Variants in ST3GAL6 observed in about 807,000 individuals in gnomAD.
The protein encoded by ST3GAL6 is ST3 beta-galactoside alpha-2,3-sialyltransferase 6.
In ST3GAL6, 31 loss-of-function variants were observed where a neutral mutation model predicts 40.5. That is an observed-to-expected ratio of 0.77 (90% confidence interval 0.58 to 1.03). The LOEUF (loss-of-function observed/expected upper bound fraction) is 1.03, where lower values mean the gene tolerates loss of function less well. Ranked by LOEUF, ST3GAL6 falls within the 50% of genes least tolerant of loss-of-function variation. The pLI is 0.00. For synonymous variants in ST3GAL6, 129 were observed against 136.9 expected (o/e 0.94, Z 0.40); for missense variants, 357 against 393.2 (o/e 0.91, Z 0.78).
At chr3:98,766,189 A>G (rs1221219390) in intron 1 of ST3GAL6, among the ~76,000 whole-genome samples, 1 of 152,208 alleles carries the variant, frequency 6.6e-6, no homozygotes, top group African/African-American at 2.4e-5. Context: ...CAACAAAACA[A>G]TAACACAAGT....
upstream of ST3GAL6, among the ~76,000 whole-genome samples, chr3:98,759,788 G>A (rs1162351695): frequency 6.6e-6 from 1 of 152,128 alleles, no homozygotes; most frequent in Non-Finnish European, 1.5e-5. Flanking sequence ...CAATGATTCA[G>A]TTGGCACTTA....
intron 1 of ST3GAL6, among the ~76,000 whole-genome samples, chr3:98,737,863 T>A: frequency 6.6e-6 from 1 of 152,164 alleles, no homozygotes; most frequent in East Asian, 1.9e-4. Flanking sequence ...AAACAGACTT[T>A]AAACCAACAA....
Position 98,766,814 on chromosome 3 carries a change from A to G in ST3GAL6, c.-11-1616A>G, listed in dbSNP as rs538013625. On this transcript the variant is annotated intron_variant, in intron 1 of 9. Transcript: ENST00000483910. ...TTTGGCCCATGGTAAACTGCCTTCC[A>G]GGACCATCTAATAACCCAAAGAGGT... Among the ~76,000 whole-genome samples, 4 of 152,330 alleles carry G rather than the reference A, an allele frequency of 2.6e-5. No individual in the cohort carries two copies. The South Asian group carries it at 8.3e-4, about 32-fold the overall frequency.
intron 1 of ST3GAL6, among the ~76,000 whole-genome samples, chr3:98,754,247 A>G (rs911109921): frequency 2.0e-5 from 3 of 152,220 alleles, no homozygotes; most frequent in African/African-American, 7.2e-5. Flanking sequence ...TATCCACTTT[A>G]ACAGAAGTTT....
Position 98,741,083 on chromosome 3 carries a change from T to TGTGA in ST3GAL6, c.-12+8552_-12+8553insTGAG, listed in dbSNP as rs374127164. Among the ~76,000 whole-genome samples the TGTGA allele has an allele frequency of 3.7e-3, 549 of 150,366 alleles. 3 individuals are homozygous for TGTGA. The highest frequency in any genetic ancestry group is 0.017 in the East Asian group (86 of 5,106). On this transcript the variant is annotated intron_variant, in intron 1 of 9. Transcript: ENST00000265261. ...GTGTGTGTGTGTGTGTGTGTGTGTG[T>TGTGA]GCATGCATGTATGTACATATGCTTT...
At chr3:98,780,633 G>A (rs1024868071) in intron 5 of ST3GAL6, among the ~76,000 whole-genome samples, 17 of 152,204 alleles carry the variant, frequency 1.1e-4, no homozygotes, top group Admixed American at 1.3e-4. Flanking sequence ...CTGAGTATGA[G>A]GAATTGCCCT....
chr3:98,778,362 G>C (rs1176570712), intron 5 of ST3GAL6, among the ~76,000 whole-genome samples: 1 of 152,230 alleles, frequency 6.6e-6, no homozygotes, highest in Non-Finnish European at 1.5e-5. Context: ...TTAGACATTA[G>C]TGGTGTATTT....
rs550431755 is a variant in ST3GAL6 at position 98,787,440 on chromosome 3, C to T, written c.432-596C>T. 1.5e-4 allele frequency among the ~76,000 whole-genome samples: 23 copies of T among 152,272 alleles called. No homozygotes were observed. The East Asian group carries it at 3.7e-3, about 24-fold the overall frequency. On this transcript the variant is annotated intron_variant, in intron 6 of 9. Transcript: ENST00000483910. ...GTGTGCATAAATAGTGCATGTCCAA[C>T]CTTGGCTTTCAGCATACACAAACCC...
chr3:98,737,083 C>T (rs911826181), intron 1 of ST3GAL6, among the ~76,000 whole-genome samples: 1 of 152,102 alleles, frequency 6.6e-6, no homozygotes, highest in Admixed American at 6.6e-5. Flanking sequence ...GAGTCTTGCT[C>T]TGTCACCCAG....
intron 1 of ST3GAL6, among the ~76,000 whole-genome samples, chr3:98,753,406 A>C (rs72932625): frequency 6.6e-6 from 1 of 152,240 alleles, no homozygotes; most frequent in Non-Finnish European, 1.5e-5. Context: ...AGTGTTAAAG[A>C]AGAGGCTGCA....
intron 1 of ST3GAL6, among the ~76,000 whole-genome samples, chr3:98,740,690 A>C (rs547616371): frequency 1.3e-5 from 2 of 152,354 alleles, no homozygotes; most frequent in South Asian, 2.1e-4. Flanking sequence ...ATAATGAAAA[A>C]AACACATACA....
chr3:98,793,299 A>G (rs1941362579), intron 9 of ST3GAL6, among the ~76,000 whole-genome samples: 1 of 152,234 alleles, frequency 6.6e-6, no homozygotes, highest in Non-Finnish European at 1.5e-5. Context: ...ACCAGGCATT[A>G]TAATAGTTTA....
chr3:98,744,203 A>G (rs559049494), intron 1 of ST3GAL6, among the ~76,000 whole-genome samples: 27 of 152,316 alleles, frequency 1.8e-4, no homozygotes, highest in South Asian at 6.2e-4. Flanking sequence ...CAGAGGGAGC[A>G]TGGCCCTGCT....
intron 8 of ST3GAL6, among the ~76,000 whole-genome samples, chr3:98,788,922 T>C (rs1299113965): frequency 2.0e-5 from 3 of 152,184 alleles, no homozygotes; most frequent in Admixed American, 6.5e-5. Flanking sequence ...GGAAGGACAA[T>C]AAAGTAGTCC....
intron 2 of ST3GAL6, among the ~76,000 whole-genome samples, chr3:98,769,435 A>C (rs969821416): frequency 2.8e-4 from 42 of 152,350 alleles, no homozygotes; most frequent in Admixed American, 2.6e-4. Flanking sequence ...GTACTAAATG[A>C]GGACTACATC....
At chr3:98,785,459 C>T (rs1940611584) in intron 6 of ST3GAL6, among the ~76,000 whole-genome samples, 1 of 152,196 alleles carries the variant, frequency 6.6e-6, no homozygotes, top group Admixed American at 6.5e-5. Context: ...CAAGTGACCA[C>T]ACAGCAACAG....
intron 1 of ST3GAL6, among the ~76,000 whole-genome samples, chr3:98,739,190 C>G (rs1477092997): frequency 1.3e-5 from 2 of 152,064 alleles, no homozygotes; most frequent in Non-Finnish European, 2.9e-5. Flanking sequence ...TGGGACACAG[C>G]TAAAGCACTG....
chr3:98,758,732 A>G (rs566946234), upstream of ST3GAL6, among the ~76,000 whole-genome samples: 169 of 152,320 alleles, frequency 1.1e-3, no homozygotes, highest in Non-Finnish European at 1.7e-3. Context: ...TAGCATCTCT[A>G]CCAGGACATT....
rs75784914 is a variant in ST3GAL6, at chr3:98,764,633, G to A, written c.-12+1194G>A. On this transcript the variant is annotated intron_variant, in intron 1 of 9. Transcript: ENST00000483910. ...GGAGGTAGTATAACGCATGGCCTGT[G>A]GCCTGATAGAGACAGATTTGAGTCC... Among the ~76,000 whole-genome samples, 108 of 152,274 alleles carry A rather than the reference G, an allele frequency of 7.1e-4. 1 individual carries two copies. The highest frequency in any genetic ancestry group is 5.0e-3 in the East Asian group (26 of 5,182).
Sources: gnomAD v4.1 joint callset for allele counts (sites outside exome capture counted in the v4.1 genomes callset) on GRCh38, gnomAD v4.1.1 for gene constraint, MANE v1.5 for transcripts, NCBI Gene and HGNC (gene_info 2026-07-23, HGNC 2026-07-21) for gene names.